The following ATG10 variants were observed in gnomAD, a reference collection of about 807,000 sequenced individuals.
The protein encoded by ATG10 is ubiquitin-like-conjugating enzyme ATG10.
A neutral mutation model predicts 32.1 loss-of-function variants in ATG10; 30 were observed. The ratio of observed to expected loss-of-function variants is 0.94; its 90% confidence interval spans 0.70 to 1.27. The LOEUF is 1.27. Among genes scored for constraint, ATG10 ranks in the 50% most tolerant of loss-of-function variants. The pLI is 0.00. For synonymous variants in ATG10, 87 were observed against 91.5 expected (o/e 0.95, Z 0.28); for missense variants, 233 against 262.3 (o/e 0.89, Z 0.77).
At chr5:82,082,926 T>C (rs561034291) in intron 3 of ATG10, among the ~76,000 whole-genome samples, 21 of 152,316 alleles carry the variant, frequency 1.4e-4, no homozygotes, top group Non-Finnish European at 2.9e-4. Context: ...GCTCCCAGCG[T>C]GAGCGACACA....
Position 82,089,081 on chromosome 5 carries a change from G to C in ATG10, c.216+30479G>C, listed in dbSNP as rs1581678839. 2.6e-5 allele frequency among the ~76,000 whole-genome samples: 4 copies of C among 152,174 alleles called. No individual in the cohort carries two copies. The South Asian group carries it at 8.3e-4, about 32-fold the overall frequency. ...GATTGTGTGGTATTGGCTGGGCCTGGTGGCTCACGCCTGTAATCCCAGCAC... is the reference window on the plus strand; with the variant it reads ...GATTGTGTGGTATTGGCTGGGCCTGCTGGCTCACGCCTGTAATCCCAGCAC... On this transcript the variant is annotated intron_variant, in intron 3 of 7. Coordinates refer to ENST00000282185, the MANE Select transcript of ATG10 (RefSeq NM_031482.5).
At chr5:82,054,598 C>G (rs910777530) in intron 2 of ATG10, among the ~76,000 whole-genome samples, 1 of 152,230 alleles carries the variant, frequency 6.6e-6, no homozygotes, top group Non-Finnish European at 1.5e-5. Flanking sequence ...CTGCCTCCAA[C>G]TAATTAGTGT....
At chr5:82,151,476 AG>A (rs1561327766) in intron 3 of ATG10, among the ~76,000 whole-genome samples, 1 of 152,248 alleles carries the variant, frequency 6.6e-6, no homozygotes, top group African/African-American at 2.4e-5. Flanking sequence ...AGGAGCTATC[AG>A]TGATGTTTTC....
intron 5 of ATG10, among the ~76,000 whole-genome samples, chr5:82,190,746 C>T (rs1744627608): frequency 8.2e-6 from 1 of 121,716 alleles, no homozygotes; most frequent in Admixed American, 1.1e-4. Flanking sequence ...TGCACTCCAG[C>T]CTGGGCAACA....
chr5:82,053,587 T>G (rs1204243793), intron 2 of ATG10, among the ~76,000 whole-genome samples: 1 of 152,192 alleles, frequency 6.6e-6, no homozygotes, highest in Non-Finnish European at 1.5e-5. Flanking sequence ...CTCATTTAAA[T>G]ATTTCTTATT....
chr5:82,249,604 A>G (rs927969243), intron 5 of ATG10, among the ~76,000 whole-genome samples: 1 of 152,236 alleles, frequency 6.6e-6, no homozygotes, highest in African/African-American at 2.4e-5. Flanking sequence ...AGATACTATC[A>G]TTAGCCACAG....
chr5:82,179,209 A>C (rs1296977422), intron 5 of ATG10, among the ~76,000 whole-genome samples: 1 of 152,138 alleles, frequency 6.6e-6, no homozygotes, highest in Non-Finnish European at 1.5e-5. Flanking sequence ...ATAAAGTCTA[A>C]AAATTGTTAA....
chr5:82,181,525 C>T (rs1489352900), intron 5 of ATG10, among the ~76,000 whole-genome samples: 1 of 151,974 alleles, frequency 6.6e-6, no homozygotes, highest in Non-Finnish European at 1.5e-5. Context: ...CAAAAGAAAA[C>T]AAGGTGTCCT....
At chr5:82,148,005 G>T (rs1767435892) in intron 3 of ATG10, 1 of 152,160 alleles carries the variant, frequency 6.6e-6, no homozygotes, top group Non-Finnish European at 1.5e-5. Flanking sequence ...TTTGTAGCAG[G>T]ATTGGTCTGT....
chr5:81,975,096 A>G (rs1242151620), intron 1 of ATG10, among the ~76,000 whole-genome samples: 2 of 152,230 alleles, frequency 1.3e-5, no homozygotes, highest in Non-Finnish European at 1.5e-5. Context: ...TATAAAATAA[A>G]GAAAATCCTA....
At chr5:82,199,920 A>C (rs1745000750) in intron 5 of ATG10, among the ~76,000 whole-genome samples, 1 of 152,182 alleles carries the variant, frequency 6.6e-6, no homozygotes. Flanking sequence ...TCTTTCACTT[A>C]GCACATATAT....
At chr5:82,162,993 A>G (rs1346713148) in intron 3 of ATG10, among the ~76,000 whole-genome samples, 1 of 152,138 alleles carries the variant, frequency 6.6e-6, no homozygotes, top group Non-Finnish European at 1.5e-5. Flanking sequence ...TTTTTCTTTT[A>G]TGTACTTGTG....
chr5:82,010,723 G>T (rs1250206236), intron 2 of ATG10, among the ~76,000 whole-genome samples: 1 of 152,064 alleles, frequency 6.6e-6, no homozygotes, highest in Non-Finnish European at 1.5e-5. Context: ...TAATTCTTTG[G>T]TGCTTTCCAT....
intron 5 of ATG10, among the ~76,000 whole-genome samples, chr5:82,180,315 C>A (rs756749812): frequency 2.6e-5 from 4 of 152,140 alleles, no homozygotes; most frequent in Non-Finnish European, 4.4e-5. Context: ...AATGCCTTCC[C>A]TCATTTTTCT....
intron 3 of ATG10, among the ~76,000 whole-genome samples, chr5:82,117,498 G>A (rs1203848970): frequency 2.0e-5 from 3 of 152,030 alleles, no homozygotes; most frequent in Non-Finnish European, 4.4e-5. Flanking sequence ...TGTCTTGTCT[G>A]GTTTTGTCTT....
At chr5:82,064,417 G>A (rs570370511) in intron 3 of ATG10, among the ~76,000 whole-genome samples, 39 of 151,882 alleles carry the variant, frequency 2.6e-4, no homozygotes, top group Middle Eastern at 3.4e-3. Context: ...CCAAAGATAT[G>A]TAGATATGTG....
chr5:82,206,105 A>T (rs1184202024), intron 5 of ATG10, among the ~76,000 whole-genome samples: 1 of 152,168 alleles, frequency 6.6e-6, no homozygotes, highest in Non-Finnish European at 1.5e-5. Context: ...TTGTATTGAT[A>T]AGTTTCTGAG....
chr5:82,043,394 C>T (rs557729846), intron 2 of ATG10, among the ~76,000 whole-genome samples: 14 of 152,202 alleles, frequency 9.2e-5, no homozygotes, highest in Admixed American at 6.5e-5. Flanking sequence ...TGTCATGGGA[C>T]GGGCTGCCCT....
At chr5:81,980,183 C>G (rs571122735) in intron 1 of ATG10, among the ~76,000 whole-genome samples, 46 of 152,150 alleles carry the variant, frequency 3.0e-4, no homozygotes, top group African/African-American at 1.1e-3. Context: ...CCTTCCTCAT[C>G]TCTTGCTTTT....
Sources: gnomAD v4.1 joint callset for allele counts (sites outside exome capture counted in the v4.1 genomes callset) on GRCh38, gnomAD v4.1.1 for gene constraint, MANE v1.5 for transcripts, NCBI Gene and HGNC (gene_info 2026-07-23, HGNC 2026-07-21) for gene names.